Variants in PTPRD observed in about 807,000 individuals in gnomAD.
PTPRD encodes the protein protein tyrosine phosphatase receptor type D.
Under a neutral mutation model 214.5 loss-of-function variants are expected in PTPRD, and 34 were observed. The ratio of observed to expected loss-of-function variants is 0.16; its 90% CI spans 0.12 to 0.21. The LOEUF (loss-of-function observed/expected upper bound fraction) is 0.21, where lower values mean the gene tolerates loss of function less well. Among genes scored for constraint, PTPRD ranks in the 10% least tolerant of loss-of-function variants. PTPRD has a pLI of 1.00. For synonymous variants in PTPRD, 1,128 were observed against 845.7 expected (o/e 1.33, Z -5.79); for missense variants, 2,545 against 2,398.7 (o/e 1.06, Z -1.27).
chr9:9,486,814 A>G (rs964335349), intron 8 of PTPRD, among the ~76,000 whole-genome samples: 1 of 152,096 alleles, frequency 6.6e-6, no homozygotes, highest in Non-Finnish European at 1.5e-5. Flanking sequence ...ACTTAACATC[A>G]TACATTATAA....
intron 3 of PTPRD, among the ~76,000 whole-genome samples, chr9:10,064,597 T>C (rs2097843249): frequency 6.6e-6 from 1 of 151,970 alleles, no homozygotes; most frequent in Non-Finnish European, 1.5e-5. Context: ...GCTCAGAGTA[T>C]GTTTGGTCTT....
chr9:9,402,436 C>T (rs979411804), intron 8 of PTPRD, among the ~76,000 whole-genome samples: 4 of 152,008 alleles, frequency 2.6e-5, no homozygotes, highest in Non-Finnish European at 5.9e-5. Context: ...GGAGATTTAA[C>T]AAAAAATTTC....
intron 37 of PTPRD, among the ~76,000 whole-genome samples, chr9:8,388,780 G>T (rs141492677): frequency 0.014 from 2,156 of 152,182 alleles, 56 homozygotes; most frequent in African/African-American, 0.05. Flanking sequence ...ATACTAATGT[G>T]AATAATTTAA....
In PTPRD at chr9:9,131,346, C is replaced by T. The variant is rs940102246; in HGVS notation, c.-143+51958G>A. Among the ~76,000 whole-genome samples the T allele has an allele frequency of 5.3e-5, 8 of 152,140 alleles. 1 individual carries two copies. The highest frequency in any genetic ancestry group is 2.6e-4 in the Admixed American group (4 of 15,266). On this transcript the variant is annotated intron_variant, in intron 10 of 45. Coordinates refer to ENST00000381196, the MANE Select transcript of PTPRD (RefSeq NM_002839.4). ...TGCATGTCCAGTAGCAATAAGACAACCTATGACTAGAAACAATGGACTTTT... is the reference window on the plus strand; with the variant it reads ...TGCATGTCCAGTAGCAATAAGACAATCTATGACTAGAAACAATGGACTTTT...
intron 11 of PTPRD, among the ~76,000 whole-genome samples, chr9:8,937,273 G>A (rs1000451659): frequency 1.3e-5 from 2 of 152,110 alleles, no homozygotes; most frequent in Admixed American, 6.5e-5. Flanking sequence ...ATCAAAGAAC[G>A]TGCATGGGAT....
chr9:10,107,880 G>A (rs1453175170), intron 3 of PTPRD, among the ~76,000 whole-genome samples: 1 of 152,070 alleles, frequency 6.6e-6, no homozygotes, highest in Non-Finnish European at 1.5e-5. Context: ...AACTTCCTTA[G>A]TTCAACATAC....
At chr9:8,712,146 T>C (rs1040156207) in intron 12 of PTPRD, among the ~76,000 whole-genome samples, 2 of 152,100 alleles carry the variant, frequency 1.3e-5, no homozygotes, top group East Asian at 3.9e-4. Context: ...CAATGCAGAG[T>C]GTGACAAATG....
chr9:8,882,826 C>T (rs908886951), intron 11 of PTPRD, among the ~76,000 whole-genome samples: 1 of 142,636 alleles, frequency 7.0e-6, no homozygotes. Context: ...TGTAGGTTGC[C>T]GTAAGCCGAG....
intron 3 of PTPRD, among the ~76,000 whole-genome samples, chr9:10,085,186 T>A (rs552179230): frequency 1.3e-5 from 2 of 152,038 alleles, no homozygotes; most frequent in South Asian, 4.2e-4. Context: ...ATTATATGCA[T>A]AATATTTGTG....
chr9:9,322,457 T>A (rs1966909854), intron 9 of PTPRD, among the ~76,000 whole-genome samples: 3 of 152,198 alleles, frequency 2.0e-5, no homozygotes, highest in African/African-American at 4.8e-5. Flanking sequence ...AGTGGCAAGA[T>A]GTGGAGTTTG....
At chr9:8,392,643 C>G (rs2089977526) in intron 36 of PTPRD, among the ~76,000 whole-genome samples, 3 of 152,042 alleles carry the variant, frequency 2.0e-5, no homozygotes, top group Non-Finnish European at 1.5e-5. Flanking sequence ...GCTAAGATTC[C>G]TCTTATAGTT....
chr9:9,099,362 C>T (rs2099788157), intron 10 of PTPRD, among the ~76,000 whole-genome samples: 1 of 152,146 alleles, frequency 6.6e-6, no homozygotes. Flanking sequence ...ATATTACACA[C>T]TAAAAATGGA....
chr9:8,784,447 G>T (rs932897148), intron 11 of PTPRD, among the ~76,000 whole-genome samples: 1 of 152,086 alleles, frequency 6.6e-6, no homozygotes, highest in Non-Finnish European at 1.5e-5. Flanking sequence ...CAATAACTTG[G>T]TCGGCTTATC....
intron 8 of PTPRD, among the ~76,000 whole-genome samples, chr9:9,419,128 TACACACACACACACAC>T (rs142908778): frequency 1.1e-4 from 15 of 139,898 alleles, no homozygotes; most frequent in Admixed American, 8.1e-4. Flanking sequence ...AGGCCCCTTA[TACACACACACACACAC>T]ACACACACAC....
At chr9:10,002,780 A>C (rs2096361638) in intron 4 of PTPRD, among the ~76,000 whole-genome samples, 1 of 151,564 alleles carries the variant, frequency 6.6e-6, no homozygotes, top group African/African-American at 2.4e-5. Context: ...GATAAAATGA[A>C]AAAGTAGATG....
intron 10 of PTPRD, among the ~76,000 whole-genome samples, 168 bp from the exon 11 acceptor site, chr9:9,018,903 T>TA (rs1256178002): frequency 6.6e-6 from 1 of 152,088 alleles, no homozygotes; most frequent in African/African-American, 2.4e-5. Context: ...CTTATTGTTG[T>TA]AAAAAAGCAA....
At chr9:9,384,477 C>T (rs925119576) in intron 9 of PTPRD, among the ~76,000 whole-genome samples, 4 of 143,894 alleles carry the variant, frequency 2.8e-5, no homozygotes, top group Non-Finnish European at 6.0e-5. Flanking sequence ...ATGTTGAGGT[C>T]GAGTTTTTGA....
intron 7 of PTPRD, among the ~76,000 whole-genome samples, chr9:9,661,406 C>T (rs1254817896): frequency 1.3e-5 from 2 of 151,768 alleles, no homozygotes; most frequent in Non-Finnish European, 3.0e-5. Context: ...CAAATCATAT[C>T]TTTTGAATGT....
chr9:9,175,468 A>T (rs2131163387), intron 10 of PTPRD, among the ~76,000 whole-genome samples: 1 of 151,756 alleles, frequency 6.6e-6, no homozygotes, highest in African/African-American at 2.4e-5. Flanking sequence ...TAAAAATACA[A>T]AAAAATTAGC....
Sources: allele counts gnomAD v4.1 joint callset (sites outside exome capture counted in the v4.1 genomes callset), GRCh38; gene constraint gnomAD v4.1.1; transcripts MANE v1.5; gene names NCBI Gene and HGNC (gene_info 2026-07-23, HGNC 2026-07-21).